The following VPS26A variants were observed in gnomAD, a reference collection of about 807,000 sequenced individuals.
VPS26A encodes VPS26 retromer complex component A, also known as vacuolar protein sorting-associated protein 26A.
VPS26A carries 22 observed loss-of-function variants against 42.4 expected under a neutral mutation model. The ratio of observed to expected loss-of-function variants is 0.52; its 90% confidence interval spans 0.37 to 0.74. The LOEUF is 0.74. VPS26A is among the 30% of genes least tolerant of loss of function. The pLI is 0.00. For missense variants in VPS26A, 276 were observed against 379.2 expected, an observed-to-expected ratio of 0.73 and a Z score of 2.26; for synonymous variants, 110 against 123.5, an observed-to-expected ratio of 0.89 and a Z score of 0.73.
In VPS26A at chr10:69,124,211, G is replaced by A. The variant is rs540508072; in HGVS notation, c.-67G>A. On this transcript the variant is annotated 5_prime_UTR_variant, in exon 1 of 9. Transcript: ENST00000263559. The stretch of plus-strand genomic sequence containing the variant: ...GTGACGGAGCGCCGGAGCGGAGGGA[G>A]CCGGGGCTGGGAGTTCTCCTGAGGG... 1.6e-5 allele frequency: 20 copies of A among 1,269,650 alleles called. No individual in the cohort carries two copies. Among genetic ancestry groups the A allele is most frequent in the Non-Finnish European group, 1.8e-5 (18 of 1,002,050 alleles). 78.6% of individuals were successfully genotyped at this position (1,269,650 alleles called of 1,614,324 possible).
At chr10:69,149,106 C>T (rs1169132671) in intron 2 of VPS26A, among the ~76,000 whole-genome samples, 1 of 151,898 alleles carries the variant, frequency 6.6e-6, no homozygotes, top group Non-Finnish European at 1.5e-5. Flanking sequence ...CATTTTAAAC[C>T]TATGTAGTCT....
chr10:69,129,386 C>T (rs1243176321), intron 1 of VPS26A, among the ~76,000 whole-genome samples: 1 of 152,054 alleles, frequency 6.6e-6, no homozygotes, highest in Non-Finnish European at 1.5e-5. Context: ...CGAAAGCCAC[C>T]TAGGAATGGA....
At position 69,171,763 on chromosome 10, in the gene VPS26A, C is replaced by T. The variant is rs922949944; in HGVS notation, c.*494C>T. The T allele has an allele frequency of 1.3e-5, 2 of 153,236 alleles. No homozygotes were observed. The highest frequency in any genetic ancestry group is 4.8e-5 in the African/African-American group (2 of 41,450). 9.5% of individuals were successfully genotyped at this position (153,236 alleles called of 1,614,324 possible). A position where few individuals can be genotyped will look rare whatever the true frequency, so the allele number is the denominator to read the frequency against. On this transcript the variant is annotated 3_prime_UTR_variant, in exon 9 of 9. Transcript: ENST00000263559. ...TGCAGAGATTTAAAACATGGCATCTCAATATTTTTGAGAACTACATTTGTT... is the reference window on the plus strand; with the variant it reads ...TGCAGAGATTTAAAACATGGCATCTTAATATTTTTGAGAACTACATTTGTT...
At chr10:69,151,794 ACTG>A (rs1434848387) in intron 2 of VPS26A, among the ~76,000 whole-genome samples, 24 of 152,282 alleles carry the variant, frequency 1.6e-4, no homozygotes, top group African/African-American at 5.1e-4. Flanking sequence ...ATTCTTAAAA[ACTG>A]CTGCCATATA....
Position 69,158,028 on chromosome 10 carries a change from C to A in VPS26A, c.387-19C>A. On this transcript the variant is annotated intron_variant, in intron 4 of 8. Transcript: ENST00000263559. The stretch of plus-strand genomic sequence containing the variant: ...TATCACAGGTGATTTAACTCATCGA[C>A]TCTCTTTTAACTTTGTAGGTATTTT... 6.4e-7 allele frequency: 1 copy of A among 1,568,432 alleles called. No individual in the cohort carries two copies. Among genetic ancestry groups the A allele is most frequent in the Non-Finnish European group, 8.6e-7 (1 of 1,160,278 alleles).
chr10:69,156,979 G>C (rs1259407921), intron 3 of VPS26A, 28 bp from the exon 4 acceptor site: 1 of 1,551,516 alleles, frequency 6.4e-7, no homozygotes, highest in Non-Finnish European at 8.7e-7. Context: ...TTAAATAATT[G>C]GTCTTTTTGC....
rs71035066 is a variant in VPS26A, at chr10:69,160,127, TACACACACAC to T, written c.551+1948_551+1957del. On this transcript the variant is annotated intron_variant, in intron 5 of 8. Transcript: ENST00000263559. The stretch of plus-strand genomic sequence containing the variant: ...CTTCCCTTCAGACTGACATAATTTT[TACACACACAC>T]ACACACACACACACACACACACACA... Among the ~76,000 whole-genome samples the T allele has an allele frequency of 2.3e-3, 343 of 148,402 alleles. 1 individual carries two copies. The highest frequency in any genetic ancestry group is 3.6e-3 in the South Asian group (17 of 4,680).
chr10:69,164,989 G>A (rs1413180421), intron 6 of VPS26A, among the ~76,000 whole-genome samples: 2 of 150,806 alleles, frequency 1.3e-5, no homozygotes, highest in Non-Finnish European at 2.9e-5. Context: ...GTGCAGTGGC[G>A]TGATCTCGGC....
intron 4 of VPS26A, among the ~76,000 whole-genome samples, chr10:69,157,426 A>T (rs867231880): frequency 2.0e-5 from 3 of 152,144 alleles, no homozygotes; most frequent in Non-Finnish European, 2.9e-5. Context: ...TTGTCATGTA[A>T]ACTGAATGAC....
chr10:69,156,959 G>T, intron 3 of VPS26A, 48 bp from the exon 4 acceptor site: 1 of 1,505,620 alleles, frequency 6.6e-7, no homozygotes, highest in Non-Finnish European at 8.9e-7. Flanking sequence ...GGGTTTTATT[G>T]AAATGGCTAT....
intron 2 of VPS26A, among the ~76,000 whole-genome samples, chr10:69,151,282 A>AACAAAAAACAAAAAACACAC (rs1841307992): frequency 1.5e-5 from 2 of 136,774 alleles, no homozygotes; most frequent in Admixed American, 7.0e-5. Context: ...AAAAAAAAAA[A>AACAAAAAACAAAAAACACAC]ACACACACAC....
chr10:69,146,775 T>G (rs1398235844), intron 2 of VPS26A, among the ~76,000 whole-genome samples: 1 of 152,232 alleles, frequency 6.6e-6, no homozygotes, highest in African/African-American at 2.4e-5. Flanking sequence ...TGGTGCCAGA[T>G]AATATTCTAA....
chr10:69,146,661 A>G (rs556106096), intron 2 of VPS26A, among the ~76,000 whole-genome samples: 43 of 152,258 alleles, frequency 2.8e-4, no homozygotes, highest in African/African-American at 1.0e-3. Flanking sequence ...AAGTGGTCAT[A>G]TAATATTTGT....
intron 2 of VPS26A, among the ~76,000 whole-genome samples, chr10:69,151,054 A>G (rs928273540): frequency 6.6e-6 from 1 of 151,828 alleles, no homozygotes; most frequent in Non-Finnish European, 1.5e-5. Context: ...TCAAGAGGTC[A>G]GGAGATGGAG....
At chr10:69,153,222 G>A (rs752533165) in intron 2 of VPS26A, among the ~76,000 whole-genome samples, 4 of 151,354 alleles carry the variant, frequency 2.6e-5, no homozygotes, top group South Asian at 2.1e-4. Flanking sequence ...GCTAATTTTC[G>A]TATTTTTAGT....
chr10:69,160,628 T>C (rs1471167223), intron 5 of VPS26A, among the ~76,000 whole-genome samples: 1 of 151,886 alleles, frequency 6.6e-6, no homozygotes, highest in East Asian at 1.9e-4. Context: ...ATTTTTGTAG[T>C]TTTAGTAGAG....
At chr10:69,155,785 ATC>A (rs1385636142) in intron 2 of VPS26A, 25 bp from the exon 3 acceptor site, 1 of 1,590,200 alleles carries the variant, frequency 6.3e-7, no homozygotes, top group Admixed American at 1.7e-5. Context: ...GATTGTTAAC[ATC>A]TCTTATAATT....
chr10:69,148,991 C>G (rs1841227117), intron 2 of VPS26A, among the ~76,000 whole-genome samples: 1 of 152,136 alleles, frequency 6.6e-6, no homozygotes, highest in Non-Finnish European at 1.5e-5. Flanking sequence ...CTCCTGACCT[C>G]TTGATCTGCC....
At chr10:69,138,534 C>T (rs556267907) in intron 2 of VPS26A, among the ~76,000 whole-genome samples, 3 of 152,190 alleles carry the variant, frequency 2.0e-5, no homozygotes, top group Non-Finnish European at 2.9e-5. Flanking sequence ...TGCACTCAGC[C>T]GTATCTTTCA....
Sources: allele counts gnomAD v4.1 joint callset (sites outside exome capture counted in the v4.1 genomes callset), GRCh38; gene constraint gnomAD v4.1.1; transcripts MANE v1.5; gene names NCBI Gene and HGNC (gene_info 2026-07-23, HGNC 2026-07-21).